The following TFPI variants were observed in gnomAD, a reference collection of about 807,000 sequenced individuals.
TFPI encodes the protein anti-convertin.
TFPI carries 15 observed loss-of-function variants against 34.6 expected under a neutral mutation model. The ratio of observed to expected loss-of-function variants is 0.43; its 90% CI spans 0.29 to 0.67. The LOEUF is 0.67. Among genes scored for constraint, TFPI ranks in the 30% least tolerant of loss-of-function variants. The pLI is 0.15. For synonymous variants in TFPI, 105 were observed against 120.1 expected, an observed-to-expected ratio of 0.87 and a Z score of 0.82; for missense variants, 301 against 364.0, an observed-to-expected ratio of 0.83 and a Z score of 1.41.
chr2:187,512,316 A>G (rs1446959568), intron 1 of TFPI, among the ~76,000 whole-genome samples: 2 of 151,936 alleles, frequency 1.3e-5, no homozygotes, highest in African/African-American at 4.8e-5. Flanking sequence ...TAGCTTACTA[A>G]CTTAAAAATC....
chr2:187,490,242 A>G (rs567755446), intron 3 of TFPI, among the ~76,000 whole-genome samples: 52 of 151,626 alleles, frequency 3.4e-4, no homozygotes, highest in Non-Finnish European at 6.8e-4. Context: ...ATAAATACCA[A>G]TTGTGTGAAG....
At chr2:187,470,467 G>A (rs8176581) in intron 6 of TFPI, among the ~76,000 whole-genome samples, 242 of 152,246 alleles carry the variant, frequency 1.6e-3, no homozygotes, top group African/African-American at 5.2e-3. Flanking sequence ...TAGATTGGAC[G>A]TATGAGAAGA....
chr2:187,477,588 A>G (rs1337118701), intron 6 of TFPI, among the ~76,000 whole-genome samples: 2 of 152,176 alleles, frequency 1.3e-5, no homozygotes, highest in Non-Finnish European at 2.9e-5. Flanking sequence ...TCATGGTTTC[A>G]GTATTCCTCT....
intron 1 of TFPI, among the ~76,000 whole-genome samples, chr2:187,524,177 C>G: frequency 6.6e-6 from 1 of 151,954 alleles, no homozygotes; most frequent in South Asian, 2.1e-4. Flanking sequence ...GCTGTTTCTA[C>G]TTTTTGCTTA....
At chr2:187,542,596 C>T (rs917964296) in intron 1 of TFPI, among the ~76,000 whole-genome samples, 6 of 152,044 alleles carry the variant, frequency 3.9e-5, no homozygotes, top group Non-Finnish European at 7.4e-5. Context: ...TGGGGCTGGA[C>T]GCTGCGGCTC....
chr2:187,533,521 A>G (rs1201072937), intron 1 of TFPI, among the ~76,000 whole-genome samples: 5 of 152,238 alleles, frequency 3.3e-5, no homozygotes, highest in Non-Finnish European at 5.9e-5. Flanking sequence ...TAGTATTAAC[A>G]TCAACAAAGA....
intron 1 of TFPI, among the ~76,000 whole-genome samples, chr2:187,525,445 T>C (rs10177003): frequency 0.16 from 24,888 of 151,848 alleles, 2,568 homozygotes; most frequent in East Asian, 0.31. Context: ...TTCCTTTTTT[T>C]CTCCTTCCTC....
intron 3 of TFPI, among the ~76,000 whole-genome samples, chr2:187,493,342 C>T (rs1307703324): frequency 1.3e-5 from 2 of 152,094 alleles, no homozygotes; most frequent in African/African-American, 2.4e-5. Context: ...GCACGAAGTC[C>T]CTAGACTGCA....
chr2:187,523,272 C>T (rs1211951948), intron 1 of TFPI, among the ~76,000 whole-genome samples: 2 of 151,974 alleles, frequency 1.3e-5, no homozygotes, highest in African/African-American at 4.8e-5. Flanking sequence ...ATTATTTTAG[C>T]CCTTGAAACT....
intron 6 of TFPI, among the ~76,000 whole-genome samples, chr2:187,481,096 AT>A (rs1217502929): frequency 6.6e-6 from 1 of 152,060 alleles, no homozygotes; most frequent in African/African-American, 2.4e-5. Flanking sequence ...TAATAATTGA[AT>A]TTTAGAATAT....
chr2:187,510,337 T>G (rs1261725519), intron 1 of TFPI, among the ~76,000 whole-genome samples: 1 of 152,174 alleles, frequency 6.6e-6, no homozygotes, highest in Non-Finnish European at 1.5e-5. Context: ...TCTATTCAGA[T>G]TAGCCAATCA....
chr2:187,482,038 T>C (rs1559104937), intron 6 of TFPI, among the ~76,000 whole-genome samples: 1 of 152,074 alleles, frequency 6.6e-6, no homozygotes, highest in Non-Finnish European at 1.5e-5. Flanking sequence ...TTTCTCACAC[T>C]AATTTTTATT....
chr2:187,479,037 A>G (rs1349471099), intron 6 of TFPI, among the ~76,000 whole-genome samples: 1 of 152,156 alleles, frequency 6.6e-6, no homozygotes, highest in East Asian at 1.9e-4. Flanking sequence ...AGGCCTCCTT[A>G]TGGTAGTGAA....
At chr2:187,501,439 C>T (rs1423426707) in intron 2 of TFPI, among the ~76,000 whole-genome samples, 1 of 151,978 alleles carries the variant, frequency 6.6e-6, no homozygotes, top group Admixed American at 6.6e-5. Context: ...GGTAACTTAC[C>T]ATCTAAGAAT....
intron 2 of TFPI, chr2:187,499,529 T>C (rs907464659): frequency 1.3e-5 from 2 of 151,778 alleles, no homozygotes; most frequent in African/African-American, 4.8e-5. Flanking sequence ...CAAGCTGACA[T>C]TTTGAGTTTT....
chr2:187,468,015 T>A lies in TFPI; in HGVS notation c.629-83A>T, dbSNP rs937470457. ...GTATTGTATATTGTTTATAGATTAATGTTGTTGCATGTGTATGTAAAACAG... is the reference window on the plus strand; with the variant it reads ...GTATTGTATATTGTTTATAGATTAAAGTTGTTGCATGTGTATGTAAAACAG... On this transcript the variant is annotated intron_variant, in intron 6 of 7. Coordinates refer to ENST00000233156, the MANE Select transcript of TFPI (RefSeq NM_006287.6). 24 of 1,150,712 alleles carry A rather than the reference T, an allele frequency of 2.1e-5. No homozygotes were observed. The South Asian group carries it at 4.3e-4, about 21-fold the overall frequency. The allele number at this position is 1,150,712 out of a possible 1,614,324, so 71.3% of individuals were successfully genotyped here.
chr2:187,528,356 A>T (rs1308843407), intron 1 of TFPI, among the ~76,000 whole-genome samples: 1 of 152,230 alleles, frequency 6.6e-6, no homozygotes, highest in Non-Finnish European at 1.5e-5. Context: ...TTGAAAATCT[A>T]TTAAGTATTA....
intron 1 of TFPI, chr2:187,518,228 CAG>C (rs1401879122): frequency 6.6e-6 from 1 of 152,212 alleles, no homozygotes; most frequent in African/African-American, 2.4e-5. Flanking sequence ...GCAGTTTCTT[CAG>C]AGTGTTGTTG....
rs372048189 is a variant in TFPI, at chr2:187,553,713, C to A, written c.-3+487G>T. Reference sequence around the variant, plus strand: ...TAGTTAATGCTGGCATAAAATATTCCATTTAGATTACGATTATTTTAATGG... The same window carrying A: ...TAGTTAATGCTGGCATAAAATATTCAATTTAGATTACGATTATTTTAATGG... On this transcript the variant is annotated intron_variant, in intron 1 of 7. Coordinates refer to ENST00000233156, the MANE Select transcript of TFPI (RefSeq NM_006287.6). Among the ~76,000 whole-genome samples the A allele has an allele frequency of 2.7e-4, 41 of 152,086 alleles. 1 individual carries two copies. The highest frequency in any genetic ancestry group is 2.5e-3 in the East Asian group (13 of 5,172).
Sources: allele counts gnomAD v4.1 joint callset (sites outside exome capture counted in the v4.1 genomes callset), GRCh38; gene constraint gnomAD v4.1.1; transcripts MANE v1.5; gene names NCBI Gene and HGNC (gene_info 2026-07-23, HGNC 2026-07-21).